RASGRF1: variants seen among roughly 807,000 people sequenced by gnomAD.
RASGRF1 encodes the protein ras-specific guanine nucleotide-releasing factor 1.
In RASGRF1, 40 loss-of-function variants were observed where a neutral mutation model predicts 138.7. That is an observed-to-expected ratio of 0.29 (90% CI 0.22 to 0.38). RASGRF1 has a LOEUF of 0.38. Among genes scored for constraint, RASGRF1 ranks in the 10% least tolerant of loss-of-function variants. The pLI, the probability that RASGRF1 is intolerant of heterozygous loss-of-function variation, is 1.00. For synonymous variants in RASGRF1, 614 were observed against 663.2 expected, an observed-to-expected ratio of 0.93 and a Z score of 1.14; for missense variants, 1,108 against 1,650.4, an observed-to-expected ratio of 0.67 and a Z score of 5.69.
Position 78,960,179 on chromosome 15 carries a change from G to T in RASGRF1, c.*1965C>A. The T allele has an allele frequency of 6.6e-6, 1 of 152,392 alleles. No individual in the cohort carries two copies. The allele number at this position is 152,392 out of a possible 1,614,324, so 9.4% of individuals were successfully genotyped here. ...CCCCCTCAGATCCCAGCACAAAGTAGGGCTAGGATGAAAATGCCTGGAGGA... is the reference window on the plus strand; with the variant it reads ...CCCCCTCAGATCCCAGCACAAAGTATGGCTAGGATGAAAATGCCTGGAGGA... On this transcript the variant is annotated 3_prime_UTR_variant, in exon 27 of 27. Coordinates refer to ENST00000558480, the MANE Select transcript of RASGRF1 (RefSeq NM_001145648.3).
intron 26 of RASGRF1, among the ~76,000 whole-genome samples, chr15:78,964,776 A>G (rs1479415121): frequency 6.6e-6 from 1 of 152,260 alleles, no homozygotes; most frequent in Non-Finnish European, 1.5e-5. Flanking sequence ...ACAGAAGCCC[A>G]TAATCTCACC....
chr15:79,090,101 G>C, intron 1 of RASGRF1, 122 bp downstream of exon 1: 1 of 1,332,912 alleles, frequency 7.5e-7, no homozygotes, highest in Non-Finnish European at 9.9e-7. Flanking sequence ...AGGGTGCAGA[G>C]AGCGCCTAGG....
At chr15:79,004,410 G>GC (rs1040611615) in intron 14 of RASGRF1, among the ~76,000 whole-genome samples, 4 of 151,916 alleles carry the variant, frequency 2.6e-5, no homozygotes, top group Admixed American at 6.6e-5. Flanking sequence ...TCTATGCTCC[G>GC]CCCCCCCACC....
In RASGRF1 at chr15:79,064,445, A is replaced by G; in HGVS notation, c.358T>C (p.Trp120Arg). The change falls in exon 2 of 27, where the codon TGG becomes CGG. Residue 120 changes from tryptophan (W) to arginine (R), a missense_variant. Coordinates refer to ENST00000558480, the MANE Select transcript of RASGRF1 (RefSeq NM_001145648.3). ...CTGGCATGTGCAATGGCTGCCACCC[A>G]TTCGTCACAATCTTTTGCGTCCTCT... ...RTEDAKDCDEWVAAIAHASYR... is the reference protein window; with the variant it reads ...RTEDAKDCDERVAAIAHASYR... 1 of 1,614,200 alleles carries G rather than the reference A, an allele frequency of 6.2e-7. No homozygotes were observed. Among genetic ancestry groups the G allele is most frequent in the Non-Finnish European group, 8.5e-7 (1 of 1,180,026 alleles).
At chr15:78,974,045 G>A (rs1338255904) in intron 24 of RASGRF1, among the ~76,000 whole-genome samples, 3 of 152,186 alleles carry the variant, frequency 2.0e-5, no homozygotes, top group Admixed American at 1.3e-4. Context: ...CATGGTTGGT[G>A]ACTCATGGGG....
Position 79,031,641 on chromosome 15 carries a change from GGAGGGAGGGAGA to G in RASGRF1, c.1153-144_1153-133del, listed in dbSNP as rs367650350. The G allele has an allele frequency of 2.7e-3, 1,021 of 379,166 alleles. 12 individuals are homozygous for G. Among genetic ancestry groups the G allele is most frequent in the African/African-American group, 0.014 (647 of 46,882 alleles). 23.5% of individuals were successfully genotyped at this position (379,166 alleles called of 1,614,324 possible). ...GAGAGGGAGAGGGAGAGGAAGGGAG[GGAGGGAGGGAGA>G]GAGGGAGGGAGAGAGAGGTGGCGAG... On this transcript the variant is annotated intron_variant, in intron 7 of 26. Coordinates refer to ENST00000558480, the MANE Select transcript of RASGRF1 (RefSeq NM_001145648.3).
At position 78,978,986 on chromosome 15, in the gene RASGRF1, T is replaced by C. The variant is rs757405876; in HGVS notation, c.3494+1634A>G. Reference sequence around the variant, plus strand: ...GGTCAGGGTGGGGACTCAGACAGAATGGGGGGCCCCAGAGGCAGTGGAGGC... The same window carrying C: ...GGTCAGGGTGGGGACTCAGACAGAACGGGGGGCCCCAGAGGCAGTGGAGGC... On this transcript the variant is annotated intron_variant, in intron 24 of 26. Transcript: ENST00000558480. The C allele has an allele frequency of 2.3e-6, 3 of 1,290,782 alleles. No homozygotes were observed. The South Asian group carries it at 3.7e-5, about 16-fold the overall frequency. The allele number at this position is 1,290,782 out of a possible 1,614,324, so 80.0% of individuals were successfully genotyped here. A position where few individuals can be genotyped will look rare whatever the true frequency, so the allele number is the denominator to read the frequency against.
At chr15:78,994,399 G>A (rs1482884181) in intron 20 of RASGRF1, among the ~76,000 whole-genome samples, 3 of 152,226 alleles carry the variant, frequency 2.0e-5, no homozygotes, top group Non-Finnish European at 2.9e-5. Flanking sequence ...AGGGGCAGCA[G>A]GGGCCCAGAA....
At chr15:79,023,122 C>T (rs1002932828) in intron 10 of RASGRF1, among the ~76,000 whole-genome samples, 14 of 151,830 alleles carry the variant, frequency 9.2e-5, no homozygotes, top group African/African-American at 3.1e-4. Context: ...CCCAGTGAGC[C>T]GAGATCACGC....
intron 1 of RASGRF1, among the ~76,000 whole-genome samples, chr15:79,075,655 C>T (rs752943776): frequency 2.0e-5 from 3 of 152,208 alleles, no homozygotes; most frequent in Non-Finnish European, 4.4e-5. Context: ...GACCAACTGT[C>T]CTGGGTTTGC....
At chr15:78,976,672 C>T (rs1031571372) in intron 24 of RASGRF1, among the ~76,000 whole-genome samples, 4 of 152,310 alleles carry the variant, frequency 2.6e-5, no homozygotes, top group South Asian at 2.1e-4. Context: ...CAGGGACACA[C>T]GGCATAGGGA....
intron 12 of RASGRF1, among the ~76,000 whole-genome samples, chr15:79,015,924 T>C (rs2056872047): frequency 6.6e-6 from 1 of 152,186 alleles, no homozygotes; most frequent in Admixed American, 6.5e-5. Flanking sequence ...GTTTTCCATA[T>C]GAAGAGTCCA....
intron 1 of RASGRF1, among the ~76,000 whole-genome samples, chr15:79,088,817 A>G (rs1480425641): frequency 1.3e-5 from 2 of 152,322 alleles, no homozygotes; most frequent in African/African-American, 4.8e-5. Context: ...TTTGAGCTGA[A>G]GCTTAAGGAG....
intron 26 of RASGRF1, among the ~76,000 whole-genome samples, chr15:78,967,676 T>C (rs2141589623): frequency 6.6e-6 from 1 of 152,372 alleles, no homozygotes. Context: ...TTTCTTCCAG[T>C]ATTTATATCT....
chr15:78,996,301 G>A (rs1201392479), intron 19 of RASGRF1, among the ~76,000 whole-genome samples: 1 of 152,202 alleles, frequency 6.6e-6, no homozygotes, highest in African/African-American at 2.4e-5. Context: ...GGGAATGAGG[G>A]TAGAGCCTCA....
At chr15:79,014,845 A>T (rs2056852136) in intron 13 of RASGRF1, among the ~76,000 whole-genome samples, 1 of 151,546 alleles carries the variant, frequency 6.6e-6, no homozygotes, top group Non-Finnish European at 1.5e-5. Context: ...TGAACCCGGG[A>T]GGCAGAGGTT....
At chr15:78,964,528 T>C (rs181461265) in intron 26 of RASGRF1, among the ~76,000 whole-genome samples, 25 of 152,268 alleles carry the variant, frequency 1.6e-4, no homozygotes, top group Non-Finnish European at 2.9e-4. Context: ...AAGCAGGAGA[T>C]GGAAGAAAAC....
chr15:79,008,821 G>C (rs2056736800), intron 13 of RASGRF1, among the ~76,000 whole-genome samples: 1 of 152,164 alleles, frequency 6.6e-6, no homozygotes, highest in Admixed American at 6.5e-5. Flanking sequence ...TTGCTGGCAT[G>C]ACTCCACAAG....
chr15:79,033,714 C>T (rs902621849), intron 6 of RASGRF1, among the ~76,000 whole-genome samples: 6 of 151,218 alleles, frequency 4.0e-5, no homozygotes, highest in South Asian at 2.1e-4. Context: ...CTCAGCCTCC[C>T]GAGTAGCTGG....
Sources: gnomAD v4.1 joint callset for allele counts (sites outside exome capture counted in the v4.1 genomes callset) on GRCh38, gnomAD v4.1.1 for gene constraint, MANE v1.5 for transcripts, NCBI Gene and HGNC (gene_info 2026-07-23, HGNC 2026-07-21) for gene names.